SLC16A13: variants seen among roughly 807,000 people sequenced by gnomAD.
The protein encoded by SLC16A13 is monocarboxylate transporter 13.
A neutral mutation model predicts 28.1 loss-of-function variants in SLC16A13; 28 were observed. That is an observed-to-expected ratio of 1.00 (90% CI 0.74 to 1.37). The LOEUF (loss-of-function observed/expected upper bound fraction) is 1.37. SLC16A13 is among the 40% of genes most tolerant of loss of function. SLC16A13 has a pLI of 0.00. For synonymous variants in SLC16A13, 228 were observed against 241.6 expected (o/e 0.94, Z 0.52); for missense variants, 482 against 531.8 (o/e 0.91, Z 0.92).
chr17:7,036,621 G>A (rs1465843581), intron 1 of SLC16A13, 40 bp downstream of exon 1: 1 of 1,611,052 alleles, frequency 6.2e-7, no homozygotes, highest in African/African-American at 1.3e-5. Context: ...GCGACCCTCG[G>A]AAGGGAGAGG....
chr17:7,036,876 A>ATTGGGTT lies in SLC16A13; in HGVS notation c.343+6_343+7insTTGGGTT, dbSNP rs1910596188. ...GAGTATTGGGTTGCTGTCAGGTGAG[A>ATTGGGTT]GCCTGCACAAGGGCAGGAGAGTCAA... On this transcript the variant is annotated splice_region_variant and intron_variant, in intron 2 of 3. Coordinates refer to ENST00000308027, the MANE Select transcript of SLC16A13 (RefSeq NM_201566.3). 3.1e-6 allele frequency: 5 copies of ATTGGGTT among 1,611,208 alleles called. No homozygotes were observed. Among genetic ancestry groups the ATTGGGTT allele is most frequent in the Admixed American group, 1.7e-5 (1 of 59,988 alleles).
Position 7,036,578 on chromosome 17 carries a change from G to A in SLC16A13, c.196G>A (p.Gly66Arg). ...CATAGGAATCGCGGTGCAGCAGTTT[G>A]GGAGTGAGTGCGGCGCCTGGATCTG... ...ASIGIAVQQF[G>R]SPVGSALSTK... The change falls in exon 1 of 4, where the codon GGG becomes AGG. Residue 66 changes from glycine (G) to arginine (R), a missense_variant. Transcript: ENST00000308027. 6.2e-7 allele frequency: 1 copy of A among 1,612,382 alleles called. No individual in the cohort carries two copies. The highest frequency in any genetic ancestry group is 2.2e-4 in the Middle Eastern group (1 of 4,560).
intron 2 of SLC16A13, among the ~76,000 whole-genome samples, chr17:7,037,341 C>CAAAAA (rs57010713): frequency 2.4e-5 from 1 of 42,000 alleles, no homozygotes; most frequent in Non-Finnish European, 4.4e-5. Flanking sequence ...GATTCTGTCT[C>CAAAAA]AAAAAAAAAA....
chr17:7,036,918 A>T (rs760838381), intron 2 of SLC16A13, 48 bp downstream of exon 2: 1 of 1,596,328 alleles, frequency 6.3e-7, no homozygotes, highest in South Asian at 1.1e-5. Context: ...AGATCGTTGG[A>T]TGTTCACCTC....
Position 7,038,049 on chromosome 17 carries a change from G to A in SLC16A13, c.344-103G>A. On this transcript the variant is annotated intron_variant, in intron 2 of 3. Coordinates refer to ENST00000308027, the MANE Select transcript of SLC16A13 (RefSeq NM_201566.3). This position sits in a 1 kb window ranked among gnomAD's most constrained non-coding sequence, Gnocchi z 5.7. ...CCAAGATTGTATCCCAGGTCTGTGG[G>A]ACTCCGAAGCAAGTGCTACATTCTG... 7.4e-7 allele frequency: 1 copy of A among 1,354,966 alleles called. No individual in the cohort carries two copies. The highest frequency in any genetic ancestry group is 1.0e-6 in the Non-Finnish European group (1 of 992,564). The allele number at this position is 1,354,966 out of a possible 1,614,324, so 83.9% of individuals were successfully genotyped here.
At position 7,036,274 on chromosome 17, in the gene SLC16A13, C is replaced by T; in HGVS notation, c.-109C>T. Reference sequence around the variant, plus strand: ...TTCCTCTCTACCTGCCTCTCCAACCCCTCTCGGCCCCGAGCCACCCGGCAG... The same window carrying T: ...TTCCTCTCTACCTGCCTCTCCAACCTCTCTCGGCCCCGAGCCACCCGGCAG... On this transcript the variant is annotated 5_prime_UTR_variant, in exon 1 of 4. Transcript: ENST00000308027. 1 of 1,152,990 alleles carries T rather than the reference C, an allele frequency of 8.7e-7. No individual in the cohort carries two copies. Among genetic ancestry groups the T allele is most frequent in the Non-Finnish European group, 1.2e-6 (1 of 814,464 alleles). The allele number at this position is 1,152,990 out of a possible 1,614,324, so 71.4% of individuals were successfully genotyped here.
rs201673210 is a variant in SLC16A13 at position 7,038,179 on chromosome 17, C to T, written c.371C>T (p.Pro124Leu). Residue 124 changes from proline to leucine, a missense_variant, in exon 3 of 4, where the codon CCG becomes CTG. Pro to Leu is a moderately conservative substitution (Grantham distance 98). Transcript: ENST00000308027. This position sits in a 1 kb window ranked among gnomAD's most constrained non-coding sequence, Gnocchi z 5.7. ...SGSGWALTFAPTLACLSCYFS... is the reference protein window; with the variant it reads ...SGSGWALTFALTLACLSCYFS... ...TCTGGCTGGGCTTTGACCTTCGCTC[C>T]GACCCTGGCCTGCCTGTCCTGTTAT... 1.1e-5 allele frequency: 17 copies of T among 1,613,704 alleles called. No homozygotes were observed. In the African/African-American group the frequency reaches 1.1e-4, roughly 10 times the overall value.
rs1271875652 is a variant in SLC16A13, at chr17:7,036,956, G to T, written c.343+86G>T. ...TCCTGCTCCTTCCAAAGGGTTCGGG[G>T]AGAAGCTGAGGGAAAGTTTAGCTAG... On this transcript the variant is annotated intron_variant, in intron 2 of 3. Coordinates refer to ENST00000308027, the MANE Select transcript of SLC16A13 (RefSeq NM_201566.3). 9.2e-6 allele frequency: 14 copies of T among 1,513,558 alleles called. No homozygotes were observed. In the African/African-American group the frequency reaches 1.5e-4, roughly 16 times the overall value. The allele number at this position is 1,513,558 out of a possible 1,614,324, so 93.8% of individuals were successfully genotyped here. A position where few individuals can be genotyped will look rare whatever the true frequency, so the allele number is the denominator to read the frequency against.
rs143183384 is a variant in SLC16A13, at chr17:7,039,771, C to T, written c.1090C>T (p.Arg364Trp). 1,193 of 1,614,174 alleles carry T rather than the reference C, an allele frequency of 7.4e-4. 6 individuals are homozygous for T. The African/African-American group carries it at 0.014, about 19-fold the overall frequency. Residue 364 changes from arginine (R) to tryptophan (W), a missense_variant, in exon 4 of 4, where the codon CGG becomes TGG. Arg to Trp is a moderately radical substitution (Grantham distance 101). Coordinates refer to ENST00000308027, the MANE Select transcript of SLC16A13 (RefSeq NM_201566.3). This position sits in a 1 kb window ranked among gnomAD's most constrained non-coding sequence, Gnocchi z 4.3. ...TTCTCTCTTGGACCTAGGCTACCTCCGGGATGTGACAGGCAACTACACGGC... is the reference window on the plus strand; with the variant it reads ...TTCTCTCTTGGACCTAGGCTACCTCTGGGATGTGACAGGCAACTACACGGC... Reference protein sequence around the residue: ...LLGPPLSGYLRDVTGNYTASF... With the variant: ...LLGPPLSGYLWDVTGNYTASF...
chr17:7,036,684 A>G (rs1597344331), intron 1 of SLC16A13, 43 bp from the exon 2 acceptor site: 2 of 1,606,072 alleles, frequency 1.2e-6, no homozygotes, highest in Non-Finnish European at 1.7e-6. Context: ...GCTGGGGGGG[A>G]GACCCCTGAG....
At position 7,039,774 on chromosome 17, in the gene SLC16A13, G is replaced by T. The variant is rs201413089; in HGVS notation, c.1093G>T (p.Asp365Tyr). 3 of 1,614,204 alleles carry T rather than the reference G, an allele frequency of 1.9e-6. No homozygotes were observed. The highest frequency in any genetic ancestry group is 2.2e-5 in the East Asian group (1 of 44,882). The change falls in exon 4 of 4, where the codon GAT becomes TAT. Residue 365 changes from aspartate to tyrosine, a missense_variant. Physicochemically the swap from Asp to Tyr is radical, Grantham distance 160. Transcript: ENST00000308027. The surrounding 1 kb of genome is among the most constrained non-coding windows in gnomAD (Gnocchi z 4.3). ...TCTCTTGGACCTAGGCTACCTCCGGGATGTGACAGGCAACTACACGGCTTC... is the reference window on the plus strand; with the variant it reads ...TCTCTTGGACCTAGGCTACCTCCGGTATGTGACAGGCAACTACACGGCTTC... The part of the protein sequence containing the change: ...LGPPLSGYLR[D>Y]VTGNYTASFV...
rs771396682 is a variant in SLC16A13, at chr17:7,036,884, C to T, written c.343+14C>T. 3 of 1,610,324 alleles carry T rather than the reference C, an allele frequency of 1.9e-6. No individual in the cohort carries two copies. The highest frequency in any genetic ancestry group is 2.2e-5 in the South Asian group (2 of 91,030). On this transcript the variant is annotated intron_variant, in intron 2 of 3. Transcript: ENST00000308027. ...GGTTGCTGTCAGGTGAGAGCCTGCA[C>T]AAGGGCAGGAGAGTCAAATGCTTAG...
Position 7,038,867 on chromosome 17 carries a change from G to T in SLC16A13, c.1059G>T (p.Gly353=), listed in dbSNP as rs770293179. The part of the protein sequence containing the change: ...GLLQMIESIG[G]LLGPPLSGYL... Reference sequence around the variant, plus strand: ...TGCAGATGATAGAGAGCATCGGGGGGCTGCTGGGGCCTCCTCTCTCAGGTA... The same window carrying T: ...TGCAGATGATAGAGAGCATCGGGGGTCTGCTGGGGCCTCCTCTCTCAGGTA... The change falls in exon 3 of 4, where the codon GGG becomes GGT. Residue 353 remains glycine, a synonymous_variant. Coordinates refer to ENST00000308027, the MANE Select transcript of SLC16A13 (RefSeq NM_201566.3). This position sits in a 1 kb window ranked among gnomAD's most constrained non-coding sequence, Gnocchi z 5.7. 2.5e-6 allele frequency: 4 copies of T among 1,609,502 alleles called. No homozygotes were observed. The African/African-American group carries it at 5.3e-5, about 22-fold the overall frequency.
chr17:7,038,425 A>C lies in SLC16A13; in HGVS notation c.617A>C (p.Gln206Pro). The change falls in exon 3 of 4, where the codon CAA becomes CCA. Residue 206 changes from glutamine (Q) to proline (P), a missense_variant. Transcript: ENST00000308027. This position sits in a 1 kb window ranked among gnomAD's most constrained non-coding sequence, Gnocchi z 5.7. ...CCTGCTGTGGGTGGTCCCAGGGCCC[A>C]ACTCACCTCTCTCCTCCATCATGGC... The part of the protein sequence containing the change: ...EDPAVGGPRA[Q>P]LTSLLHHGPF... 1 of 1,613,436 alleles carries C rather than the reference A, an allele frequency of 6.2e-7. No homozygotes were observed. Among genetic ancestry groups the C allele is most frequent in the South Asian group, 1.1e-5 (1 of 91,042 alleles).
Position 7,036,818 on chromosome 17 carries a change from C to T in SLC16A13, c.291C>T (p.Ala97=), listed in dbSNP as rs1187263953. Residue 97 remains alanine, a synonymous_variant, in exon 2 of 4, where the codon GCC becomes GCT. Coordinates refer to ENST00000308027, the MANE Select transcript of SLC16A13 (RefSeq NM_201566.3). ...TGGCTGCGCTGGGGATGCTGCTCGCCTCTTTTGCTACTTCCTTGACCCACC... is the reference window on the plus strand; with the variant it reads ...TGGCTGCGCTGGGGATGCTGCTCGCTTCTTTTGCTACTTCCTTGACCCACC... The part of the protein sequence containing the change: ...GILAALGMLL[A]SFATSLTHLY... 3.1e-6 allele frequency: 5 copies of T among 1,613,808 alleles called. No individual in the cohort carries two copies. The African/African-American group carries it at 5.3e-5, about 17-fold the overall frequency.
At position 7,037,766 on chromosome 17, in the gene SLC16A13, T is replaced by C. The variant is rs139101244; in HGVS notation, c.344-386T>C. 3.9e-4 allele frequency among the ~76,000 whole-genome samples: 59 copies of C among 151,068 alleles called. No individual in the cohort carries two copies. In the East Asian group the frequency reaches 8.1e-3, roughly 21 times the overall value. On this transcript the variant is annotated intron_variant, in intron 2 of 3. Transcript: ENST00000308027. ...AAAAAAAGGTGCTAGGTACTGTGAC[T>C]GTGAAATCGATATCATTATTGGATT...
At chr17:7,037,681 G>T (rs1468075009) in intron 2 of SLC16A13, among the ~76,000 whole-genome samples, 1 of 150,818 alleles carries the variant, frequency 6.6e-6, no homozygotes, top group Non-Finnish European at 1.5e-5. Context: ...AGCCGAGATT[G>T]CACCACTGCA....
At chr17:7,037,737 AG>A (rs1910622265) in intron 2 of SLC16A13, among the ~76,000 whole-genome samples, 1 of 145,806 alleles carries the variant, frequency 6.9e-6, no homozygotes, top group African/African-American at 2.5e-5. Flanking sequence ...AAAAAAAAAA[AG>A]AAAAAAAAAG....
rs545586413 is a variant in SLC16A13 at position 7,039,682 on chromosome 17, C to T, written c.1082-81C>T. 12 of 1,449,232 alleles carry T rather than the reference C, an allele frequency of 8.3e-6. No homozygotes were observed. In the South Asian group the frequency reaches 1.3e-4, roughly 16 times the overall value. 89.8% of individuals were successfully genotyped at this position (1,449,232 alleles called of 1,614,324 possible). ...AACTCCTCTGAGATGATAAGTCTTC[C>T]CTCCACCCAAAAATGTATCTGAGCC... On this transcript the variant is annotated intron_variant, in intron 3 of 3. Coordinates refer to ENST00000308027, the MANE Select transcript of SLC16A13 (RefSeq NM_201566.3). The surrounding 1 kb of genome is among the most constrained non-coding windows in gnomAD (Gnocchi z 4.3).
Sources: gnomAD v4.1 joint callset for allele counts (sites outside exome capture counted in the v4.1 genomes callset) on GRCh38, gnomAD v4.1.1 for gene constraint, Gnocchi (gnomAD v3.1) non-coding constraint, MANE v1.5 for transcripts, NCBI Gene and HGNC (gene_info 2026-07-23, HGNC 2026-07-21) for gene names.